Variants in FRMD4A observed in about 807,000 individuals in gnomAD.
FRMD4A encodes the protein FERM domain-containing protein 4A.
In FRMD4A, 29 loss-of-function variants were observed where a neutral mutation model predicts 129.1. The ratio of observed to expected loss-of-function variants is 0.22; its 90% CI spans 0.17 to 0.31. The LOEUF is 0.31. Among genes scored for constraint, FRMD4A ranks in the 10% least tolerant of loss-of-function variants. The pLI is 1.00. For synonymous variants in FRMD4A, 634 were observed against 571.6 expected, an observed-to-expected ratio of 1.11 and a Z score of -1.56; for missense variants, 1,272 against 1,375.8, an observed-to-expected ratio of 0.92 and a Z score of 1.19.
intron 3 of FRMD4A, among the ~76,000 whole-genome samples, chr10:13,817,564 T>C (rs11815144): frequency 0.046 from 6,940 of 152,266 alleles, 446 homozygotes; most frequent in African/African-American, 0.14. Context: ...GATAACTGAA[T>C]CATGGGTGTG....
intron 2 of FRMD4A, among the ~76,000 whole-genome samples, chr10:13,944,204 T>C (rs2131317163): frequency 6.6e-6 from 1 of 152,268 alleles, no homozygotes; most frequent in Non-Finnish European, 1.5e-5. Flanking sequence ...CATCTGTATT[T>C]ACAGCCACTC....
intron 2 of FRMD4A, among the ~76,000 whole-genome samples, chr10:14,033,201 G>T (rs1252847279): frequency 6.6e-6 from 1 of 151,818 alleles, no homozygotes; most frequent in Non-Finnish European, 1.5e-5. Context: ...CAGCTACTCA[G>T]GAGGCTGAGG....
chr10:14,248,537 C>G (rs953833042), intron 2 of FRMD4A, among the ~76,000 whole-genome samples: 2 of 152,174 alleles, frequency 1.3e-5, no homozygotes, highest in African/African-American at 4.8e-5. Flanking sequence ...ATGTGGCACA[C>G]TGTCACTGGA....
At chr10:14,005,765 A>G (rs896448289) in intron 2 of FRMD4A, among the ~76,000 whole-genome samples, 32 of 152,158 alleles carry the variant, frequency 2.1e-4, no homozygotes, top group African/African-American at 5.1e-4. Flanking sequence ...TCTGTCATTG[A>G]CTGTATATTC....
chr10:14,097,141 C>CAAAAAAAAAAAAAAAAAAA (rs1157975128), intron 2 of FRMD4A: 2 of 14,984 alleles, frequency 1.3e-4, no homozygotes, highest in Non-Finnish European at 2.3e-4. Context: ...GACTCCATCT[C>CAAAAAAAAAAAAAAAAAAA]AAAAAAAAAA....
chr10:13,957,472 C>G (rs898575644), intron 2 of FRMD4A, among the ~76,000 whole-genome samples: 1 of 152,106 alleles, frequency 6.6e-6, no homozygotes, highest in Non-Finnish European at 1.5e-5. Flanking sequence ...CCAGGCTGGT[C>G]TCAAACTTCT....
At chr10:13,995,756 T>A (rs1475275546) in intron 2 of FRMD4A, among the ~76,000 whole-genome samples, 2 of 152,004 alleles carry the variant, frequency 1.3e-5, no homozygotes, top group Non-Finnish European at 2.9e-5. Flanking sequence ...TAGGCTGACA[T>A]AAGCACACCA....
At chr10:13,676,103 G>A (rs1008171706) in intron 15 of FRMD4A, 2 of 152,072 alleles carry the variant, frequency 1.3e-5, no homozygotes, top group African/African-American at 4.8e-5. Flanking sequence ...GCCATCTGGA[G>A]GAATTTAGGT....
Position 14,330,870 on chromosome 10 carries a change from G to A in FRMD4A, c.-355C>T, listed in dbSNP as rs150702060. On this transcript the variant is annotated 5_prime_UTR_variant, in exon 1 of 25. It introduces an in-frame stop codon into an upstream open reading frame of the 5' UTR. Coordinates refer to ENST00000357447, the MANE Select transcript of FRMD4A (RefSeq NM_018027.5). ...AGAGGAACATGGAATTGCACTGCCT[G>A]TTCTGTGAGCGTTCTGATCTCCCTG... is the stretch of plus-strand genomic sequence containing the variant. The A allele has an allele frequency of 5.8e-4, 231 of 398,684 alleles. No individual in the cohort carries two copies. The highest frequency in any genetic ancestry group is 4.3e-3 in the African/African-American group (210 of 48,744). The allele number at this position is 398,684 out of a possible 1,614,324, so 24.7% of individuals were successfully genotyped here. A position where few individuals can be genotyped will look rare whatever the true frequency, so the allele number is the denominator to read the frequency against.
At chr10:13,850,285 AT>A (rs1013809844) in intron 3 of FRMD4A, among the ~76,000 whole-genome samples, 18 of 151,482 alleles carry the variant, frequency 1.2e-4, no homozygotes, top group Admixed American at 3.3e-4. Context: ...AAAGTCATAC[AT>A]TTTTTTTTCT....
rs573524913 is a variant in FRMD4A, at chr10:13,967,550, A to G, written c.46-108638T>C. ...TATGGAAATAAGAAATTTTAAAAAA[A>G]CAAAAACAAAAACAAAAAGCAGCTA... On this transcript the variant is annotated intron_variant, in intron 2 of 24. Transcript: ENST00000357447. 1.8e-4 allele frequency among the ~76,000 whole-genome samples: 28 copies of G among 152,318 alleles called. 1 individual carries two copies. The South Asian group carries it at 3.1e-3, about 17-fold the overall frequency.
At chr10:14,245,346 T>C (rs1382116256) in intron 2 of FRMD4A, among the ~76,000 whole-genome samples, 1 of 152,196 alleles carries the variant, frequency 6.6e-6, no homozygotes, top group Admixed American at 6.5e-5. Flanking sequence ...TTTCCTCTTG[T>C]GCAAAATGCG....
At chr10:13,670,549 T>A in intron 16 of FRMD4A, 21 bp from the exon 17 acceptor site, 4 of 1,610,354 alleles carry the variant, frequency 2.5e-6, no homozygotes, top group Non-Finnish European at 3.4e-6. Context: ...GAAATGGCAT[T>A]CGGAGTGAGC....
intron 12 of FRMD4A, among the ~76,000 whole-genome samples, chr10:13,713,296 G>T (rs2088230512): frequency 6.6e-6 from 1 of 152,166 alleles, no homozygotes; most frequent in African/African-American, 2.4e-5. Context: ...AGTAATTGAT[G>T]ATGGGACCCA....
chr10:14,283,084 T>A (rs1031233277), intron 2 of FRMD4A, among the ~76,000 whole-genome samples: 3 of 152,240 alleles, frequency 2.0e-5, no homozygotes, highest in African/African-American at 7.2e-5. Flanking sequence ...CTCTTATGAG[T>A]TCCAGGCATC....
At chr10:14,298,781 C>A (rs1297529395) in intron 2 of FRMD4A, among the ~76,000 whole-genome samples, 1 of 152,074 alleles carries the variant, frequency 6.6e-6, no homozygotes, top group African/African-American at 2.4e-5. Flanking sequence ...AAAGGGAAAG[C>A]ACTGAGAAGG....
chr10:13,652,666 C>T (rs1049859599), intron 23 of FRMD4A, among the ~76,000 whole-genome samples: 2 of 152,196 alleles, frequency 1.3e-5, no homozygotes, highest in African/African-American at 4.8e-5. Context: ...GAAGTAGGAG[C>T]AGACACAGGA....
At chr10:14,205,886 A>C (rs998692642) in intron 2 of FRMD4A, among the ~76,000 whole-genome samples, 2 of 151,668 alleles carry the variant, frequency 1.3e-5, no homozygotes, top group African/African-American at 4.8e-5. Flanking sequence ...GGGATGTAAA[A>C]GGAGACTTAC....
chr10:14,244,448 C>T (rs1844162531), intron 2 of FRMD4A, among the ~76,000 whole-genome samples: 1 of 152,218 alleles, frequency 6.6e-6, no homozygotes, highest in Non-Finnish European at 1.5e-5. Context: ...ATGCGGATTA[C>T]ATTGCCTGAG....
Sources: gnomAD v4.1 joint callset for allele counts (sites outside exome capture counted in the v4.1 genomes callset) on GRCh38, gnomAD v4.1.1 for gene constraint, MANE v1.5 for transcripts, NCBI Gene and HGNC (gene_info 2026-07-23, HGNC 2026-07-21) for gene names.